Variants in SCN11A observed in about 807,000 individuals in gnomAD.
SCN11A encodes the protein sodium channel protein type 11 subunit alpha.
A neutral mutation model predicts 162.2 loss-of-function variants in SCN11A; 122 were observed. The observed-to-expected ratio is 0.75, with a 90% confidence interval of 0.65 to 0.87. The LOEUF is 0.87. SCN11A is among the 40% of genes least tolerant of loss of function. SCN11A has a pLI of 0.00. For missense variants in SCN11A, 2,015 were observed against 2,181.6 expected (o/e 0.92, Z 1.52); for synonymous variants, 758 against 751.5 (o/e 1.01, Z -0.14).
chr3:38,996,999 G>A lies in SCN11A; in HGVS notation c.-280+35381C>T, dbSNP rs190074589. Among the ~76,000 whole-genome samples the A allele has an allele frequency of 2.6e-5, 4 of 152,150 alleles. No individual in the cohort carries two copies. The East Asian group carries it at 5.8e-4, about 22-fold the overall frequency. ...GGGTTTACATGACCATCAGTTCCCC[G>A]CTCAGTTACCACAAGTGGCCTCCTA... On this transcript the variant is annotated intron_variant, in intron 2 of 29. Transcript: ENST00000302328.
At chr3:38,933,029 C>T (rs1377502584) in intron 7 of SCN11A, among the ~76,000 whole-genome samples, 1 of 152,216 alleles carries the variant, frequency 6.6e-6, no homozygotes, top group African/African-American at 2.4e-5. Flanking sequence ...GACAAAACTT[C>T]CAGAGAAATG....
intron 2 of SCN11A, among the ~76,000 whole-genome samples, chr3:38,984,393 C>A (rs1029294843): frequency 2.6e-5 from 4 of 152,100 alleles, no homozygotes; most frequent in African/African-American, 9.7e-5. Context: ...GTTTGCAACC[C>A]AAGAACCCTA....
At chr3:39,000,756 G>C (rs2030784016) in intron 2 of SCN11A, among the ~76,000 whole-genome samples, 1 of 152,154 alleles carries the variant, frequency 6.6e-6, no homozygotes, top group Non-Finnish European at 1.5e-5. Context: ...ACCGTGATTG[G>C]CTGGGTGCAG....
chr3:38,858,509 A>G, intron 28 of SCN11A, among the ~76,000 whole-genome samples: 1 of 152,136 alleles, frequency 6.6e-6, no homozygotes. Flanking sequence ...GGAGCTCCCA[A>G]ATTCATAAAA....
At chr3:38,873,578 T>C (rs746181928) in intron 23 of SCN11A, among the ~76,000 whole-genome samples, 1 of 152,212 alleles carries the variant, frequency 6.6e-6, no homozygotes. Context: ...CCTAGCCAGA[T>C]GAAAACAGAT....
chr3:39,001,799 C>T (rs1190251583), intron 2 of SCN11A, among the ~76,000 whole-genome samples: 1 of 152,026 alleles, frequency 6.6e-6, no homozygotes, highest in Non-Finnish European at 1.5e-5. Context: ...CTTTGGGAGG[C>T]CAAGGTGGGC....
intron 2 of SCN11A, among the ~76,000 whole-genome samples, chr3:38,982,852 T>C (rs2030110841): frequency 6.6e-6 from 1 of 152,110 alleles, no homozygotes. Context: ...GGGAGACCAT[T>C]TTGGGCCTTG....
intron 28 of SCN11A, among the ~76,000 whole-genome samples, chr3:38,862,905 A>G (rs1419663673): frequency 6.6e-6 from 1 of 152,042 alleles, no homozygotes; most frequent in Non-Finnish European, 1.5e-5. Flanking sequence ...AATAAAATAA[A>G]CTGGTCAAAA....
intron 2 of SCN11A, among the ~76,000 whole-genome samples, chr3:39,002,253 G>C (rs2030838478): frequency 6.6e-6 from 1 of 152,126 alleles, no homozygotes; most frequent in African/African-American, 2.4e-5. Context: ...AACCTGAAAA[G>C]TTCAAACAAG....
intron 24 of SCN11A, 41 bp from the exon 25 acceptor site, chr3:38,871,749 A>G (rs767666752): frequency 2.0e-6 from 3 of 1,517,024 alleles, no homozygotes; most frequent in Non-Finnish European, 2.7e-6. Flanking sequence ...ACAGATGGGT[A>G]GGATGCACCA....
intron 27 of SCN11A, among the ~76,000 whole-genome samples, chr3:38,865,865 A>C (rs749039354): frequency 5.9e-5 from 9 of 152,194 alleles, no homozygotes; most frequent in Non-Finnish European, 1.0e-4. Flanking sequence ...AAACAATGAG[A>C]TAATACTTTC....
intron 8 of SCN11A, among the ~76,000 whole-genome samples, chr3:38,926,468 A>G (rs1264625932): frequency 1.3e-5 from 2 of 151,564 alleles, no homozygotes; most frequent in Non-Finnish European, 2.9e-5. Context: ...TGTGAGCTTC[A>G]TAAGATTGAA....
At chr3:39,025,010 C>A (rs909480026) in intron 2 of SCN11A, among the ~76,000 whole-genome samples, 1 of 152,146 alleles carries the variant, frequency 6.6e-6, no homozygotes, top group Non-Finnish European at 1.5e-5. Flanking sequence ...TTCAGCAAAC[C>A]CTCAAAGCGC....
chr3:38,873,363 C>A (rs1315027963), intron 23 of SCN11A, among the ~76,000 whole-genome samples: 1 of 152,108 alleles, frequency 6.6e-6, no homozygotes, highest in Non-Finnish European at 1.5e-5. Context: ...TAAAAACATT[C>A]CTCACAAATC....
At chr3:39,010,444 T>A (rs1575357579) in intron 2 of SCN11A, among the ~76,000 whole-genome samples, 2 of 150,744 alleles carry the variant, frequency 1.3e-5, no homozygotes, top group Admixed American at 1.3e-4. Context: ...CAGTGGCGCA[T>A]CTCTGCTCAC....
In SCN11A at chr3:39,000,749, G is replaced by A. The variant is rs183597457; in HGVS notation, c.-280+31631C>T. ...TATTAAATTAATTTTTTTAAATACCGTGATTGGCTGGGTGCAGTGGCTCAC... is the reference window on the plus strand; with the variant it reads ...TATTAAATTAATTTTTTTAAATACCATGATTGGCTGGGTGCAGTGGCTCAC... On this transcript the variant is annotated intron_variant, in intron 2 of 29. Transcript: ENST00000302328. Among the ~76,000 whole-genome samples the A allele has an allele frequency of 5.9e-5, 9 of 152,224 alleles. No individual in the cohort carries two copies. The East Asian group carries it at 1.2e-3, about 20-fold the overall frequency.
At chr3:39,025,323 G>C (rs1403807870) in intron 2 of SCN11A, among the ~76,000 whole-genome samples, 1 of 152,054 alleles carries the variant, frequency 6.6e-6, no homozygotes, top group Non-Finnish European at 1.5e-5. Context: ...CACAAGAAAG[G>C]GTTTGGAGCA....
At chr3:39,033,110 G>A (rs900627483) in intron 1 of SCN11A, among the ~76,000 whole-genome samples, 1 of 151,202 alleles carries the variant, frequency 6.6e-6, no homozygotes, top group Non-Finnish European at 1.5e-5. Context: ...CTGAGATAGC[G>A]CCACTGCACT....
At chr3:38,927,462 T>C (rs1184558092) in intron 7 of SCN11A, among the ~76,000 whole-genome samples, 1 of 152,174 alleles carries the variant, frequency 6.6e-6, no homozygotes, top group Non-Finnish European at 1.5e-5. Flanking sequence ...AAATCCATTC[T>C]AAAATTCATA....
Sources: gnomAD v4.1 joint callset for allele counts (sites outside exome capture counted in the v4.1 genomes callset) on GRCh38, gnomAD v4.1.1 for gene constraint, MANE v1.5 for transcripts, NCBI Gene and HGNC (gene_info 2026-07-23, HGNC 2026-07-21) for gene names.